The following TMEM255B variants were observed in gnomAD, a reference collection of about 807,000 sequenced individuals.
The protein encoded by TMEM255B is family with sequence similarity 70, member B.
TMEM255B carries 35 observed loss-of-function variants against 34.5 expected under a neutral mutation model. The ratio of observed to expected loss-of-function variants is 1.01; its 90% CI spans 0.77 to 1.34. TMEM255B has a LOEUF of 1.34. Among genes scored for constraint, TMEM255B ranks in the 40% most tolerant of loss-of-function variants. TMEM255B has a pLI of 0.00. For synonymous variants in TMEM255B, 206 were observed against 201.2 expected (o/e 1.02, Z -0.20); for missense variants, 432 against 433.2 (o/e 1.00, Z 0.02).
chr13:113,799,426 A>G lies in TMEM255B; in HGVS notation c.423+7A>G. On this transcript the variant is annotated splice_region_variant and intron_variant, in intron 5 of 8. Transcript: ENST00000375353. ...CGATGTCTACCAGACAGAGGTGAGC[A>G]GGAGCACTGAGATTCATGTGGGTTT... 1 of 1,613,058 alleles carries G rather than the reference A, an allele frequency of 6.2e-7. No individual in the cohort carries two copies. The highest frequency in any genetic ancestry group is 1.7e-5 in the Admixed American group (1 of 59,996).
At chr13:113,796,642 G>A (rs1337237137) in intron 4 of TMEM255B, among the ~76,000 whole-genome samples, 1 of 152,210 alleles carries the variant, frequency 6.6e-6, no homozygotes, top group African/African-American at 2.4e-5. Flanking sequence ...TCCTCCTGAG[G>A]TGCGTCCTCA....
At chr13:113,791,436 T>C (rs1280769402) in intron 3 of TMEM255B, among the ~76,000 whole-genome samples, 2 of 152,180 alleles carry the variant, frequency 1.3e-5, no homozygotes, top group African/African-American at 2.4e-5. Flanking sequence ...CTTCCTAACG[T>C]TGGGCAGCCC....
At chr13:113,794,246 C>G (rs997399092) in intron 3 of TMEM255B, among the ~76,000 whole-genome samples, 20 of 152,222 alleles carry the variant, frequency 1.3e-4, no homozygotes, top group African/African-American at 4.8e-4. Flanking sequence ...CCACTCTGCT[C>G]GGTCGGCTCT....
At chr13:113,776,016 G>A (rs2050571449) in intron 3 of TMEM255B, among the ~76,000 whole-genome samples, 1 of 152,322 alleles carries the variant, frequency 6.6e-6, no homozygotes, top group East Asian at 1.9e-4. Flanking sequence ...CTTCCGGGCC[G>A]CCCCTCCTGG....
intron 4 of TMEM255B, among the ~76,000 whole-genome samples, chr13:113,795,868 TACACAGCACACAACACACAGAGC>T (rs1377875506): frequency 1.2e-4 from 5 of 41,116 alleles, no homozygotes; most frequent in African/African-American, 3.1e-4. Flanking sequence ...ACCATAAGAG[TACACAGCACACAACACACAGAGC>T]ACACAGCACA....
chr13:113,780,400 CT>C lies in TMEM255B; in HGVS notation c.252+11243del, dbSNP rs1594132533. The stretch of plus-strand genomic sequence containing the variant: ...CATAACTTAAGAATAGTCACAAATA[CT>C]TTCCAAATTCTGGAGAAAATCAGGT... On this transcript the variant is annotated intron_variant, in intron 3 of 8. Transcript: ENST00000375353. 2.0e-5 allele frequency among the ~76,000 whole-genome samples: 3 copies of C among 152,214 alleles called. No individual in the cohort carries two copies. The East Asian group carries it at 5.8e-4, about 29-fold the overall frequency.
chr13:113,800,920 GCACCGGGGACCCCCA>G lies in TMEM255B; in HGVS notation c.509+9_509+23del, dbSNP rs2051043044. The G allele has an allele frequency of 1.7e-6, 2 of 1,204,356 alleles. No homozygotes were observed. Among genetic ancestry groups the G allele is most frequent in the African/African-American group, 5.3e-5 (2 of 37,538 alleles). 74.6% of individuals were successfully genotyped at this position (1,204,356 alleles called of 1,614,324 possible). On this transcript the variant is annotated intron_variant, in intron 6 of 8. Coordinates refer to ENST00000375353, the MANE Select transcript of TMEM255B (RefSeq NM_182614.4). ...CCTCTATGCCTGCGGGAGGTGAGGG[GCACCGGGGACCCCCA>G]TATCTACACCTGCGGGAGGTGAGGG...
intron 3 of TMEM255B, among the ~76,000 whole-genome samples, chr13:113,771,008 T>C (rs1008660024): frequency 3.3e-5 from 5 of 152,160 alleles, no homozygotes; most frequent in Non-Finnish European, 7.4e-5. Context: ...TTTAATGAGA[T>C]ATAGTCCACA....
At chr13:113,766,910 C>T (rs144847320) in intron 2 of TMEM255B, among the ~76,000 whole-genome samples, 1 of 152,242 alleles carries the variant, frequency 6.6e-6, no homozygotes, top group Non-Finnish European at 1.5e-5. Flanking sequence ...TCAAAAGTAT[C>T]AAGGTTTTTT....
intron 3 of TMEM255B, among the ~76,000 whole-genome samples, chr13:113,774,352 C>T (rs562263167): frequency 6.6e-6 from 1 of 152,312 alleles, no homozygotes; most frequent in Admixed American, 6.5e-5. Context: ...ACTGTTTCCT[C>T]CTCACCCAAA....
chr13:113,787,654 A>AT (rs1287386039), intron 3 of TMEM255B, among the ~76,000 whole-genome samples: 2 of 152,102 alleles, frequency 1.3e-5, no homozygotes, highest in East Asian at 3.9e-4. Flanking sequence ...ATGAGCTGAA[A>AT]TTGTACATGG....
In TMEM255B at chr13:113,815,017, G is replaced by C. The variant is rs1233681238; in HGVS notation, c.*3114G>C. ...GAGGTGGGGGCCTAGTGTAGCTGCA[G>C]GTTGTGACTGAGGAGGGCAGGGTCA... On this transcript the variant is annotated 3_prime_UTR_variant, in exon 9 of 9. Coordinates refer to ENST00000375353, the MANE Select transcript of TMEM255B (RefSeq NM_182614.4). The C allele has an allele frequency of 6.6e-6, 1 of 152,108 alleles. No homozygotes were observed. Among genetic ancestry groups the C allele is most frequent in the Non-Finnish European group, 1.5e-5 (1 of 68,082 alleles). 9.4% of individuals were successfully genotyped at this position (152,108 alleles called of 1,614,324 possible).
chr13:113,807,097 C>T (rs1047153125), intron 8 of TMEM255B, among the ~76,000 whole-genome samples: 4 of 152,188 alleles, frequency 2.6e-5, no homozygotes, highest in African/African-American at 7.2e-5. Context: ...TGCTGGGGCC[C>T]GGCTGTCTGA....
At chr13:113,786,219 CCTA>C (rs2138549457) in intron 3 of TMEM255B, among the ~76,000 whole-genome samples, 1 of 150,120 alleles carries the variant, frequency 6.7e-6, no homozygotes, top group East Asian at 2.0e-4. Flanking sequence ...CGTCACCATC[CCTA>C]CTGTCATCAC....
intron 3 of TMEM255B, among the ~76,000 whole-genome samples, chr13:113,775,312 C>T (rs528155428): frequency 3.3e-5 from 5 of 152,294 alleles, no homozygotes; most frequent in Non-Finnish European, 4.4e-5. Flanking sequence ...GGTGAGGTCT[C>T]GGCCGCCTTC....
chr13:113,762,244 GTT>G (rs2050321099), intron 1 of TMEM255B, among the ~76,000 whole-genome samples: 1 of 151,778 alleles, frequency 6.6e-6, no homozygotes, highest in Admixed American at 6.6e-5. Flanking sequence ...CTTTTCTTGA[GTT>G]TATTTTTTTT....
chr13:113,780,489 C>T (rs2050650179), intron 3 of TMEM255B, among the ~76,000 whole-genome samples: 1 of 152,174 alleles, frequency 6.6e-6, no homozygotes, highest in Non-Finnish European at 1.5e-5. Context: ...TAAAAGCTGT[C>T]AATAGCTCGC....
At position 113,765,126 on chromosome 13, in the gene TMEM255B, G is replaced by T. The variant is rs1267417165; in HGVS notation, c.47-989G>T. Among the ~76,000 whole-genome samples, 5 of 152,294 alleles carry T rather than the reference G, an allele frequency of 3.3e-5. 1 individual carries two copies. In the East Asian group the frequency reaches 9.6e-4, roughly 29 times the overall value. On this transcript the variant is annotated intron_variant, in intron 1 of 8. Coordinates refer to ENST00000375353, the MANE Select transcript of TMEM255B (RefSeq NM_182614.4). ...ACAAGTGTATCTTTGCAAGGGTCAAGAGGCAGGCAGGGTGCTGTGCCGGGG... is the reference window on the plus strand; with the variant it reads ...ACAAGTGTATCTTTGCAAGGGTCAATAGGCAGGCAGGGTGCTGTGCCGGGG...
intron 4 of TMEM255B, among the ~76,000 whole-genome samples, chr13:113,797,012 G>T (rs1193336011): frequency 6.6e-6 from 1 of 152,238 alleles, no homozygotes; most frequent in African/African-American, 2.4e-5. Flanking sequence ...CGGGTGGCTG[G>T]GTGACTTGCT....
Sources: allele counts gnomAD v4.1 joint callset (sites outside exome capture counted in the v4.1 genomes callset), GRCh38; gene constraint gnomAD v4.1.1; transcripts MANE v1.5; gene names NCBI Gene and HGNC (gene_info 2026-07-23, HGNC 2026-07-21).